The following FGD4 variants were observed in gnomAD, a reference collection of about 807,000 sequenced individuals.
FGD4 encodes FYVE, RhoGEF and PH domain containing 4, also known as FYVE, RhoGEF and PH domain-containing protein 4.
Under a neutral mutation model 102.0 loss-of-function variants are expected in FGD4, and 42 were observed. The ratio of observed to expected loss-of-function variants is 0.41; its 90% CI spans 0.32 to 0.53. FGD4 has a LOEUF of 0.53. Ranked by LOEUF, FGD4 falls within the 20% of genes least tolerant of loss-of-function variation. The probability of loss-of-function intolerance (pLI) is 0.21; values close to 1 mark genes in which losing one functional copy is unlikely to be tolerated. For missense variants in FGD4, 902 were observed against 1,078.2 expected (o/e 0.84, Z 2.29); for synonymous variants, 380 against 375.7 (o/e 1.01, Z -0.13).
At chr12:32,419,713 G>A (rs1941557477) in intron 1 of FGD4, among the ~76,000 whole-genome samples, 1 of 152,226 alleles carries the variant, frequency 6.6e-6, no homozygotes, top group Admixed American at 6.5e-5. Flanking sequence ...TCTGGCCTGT[G>A]GTTGTGAGGC....
chr12:32,420,318 T>A (rs1030353377), intron 1 of FGD4, among the ~76,000 whole-genome samples: 1 of 152,180 alleles, frequency 6.6e-6, no homozygotes, highest in Non-Finnish European at 1.5e-5. Flanking sequence ...ATCTAGCACC[T>A]ACTACAAGTT....
chr12:32,588,364 A>G lies in FGD4; in HGVS notation c.1011+5897A>G, dbSNP rs567819507. Among the ~76,000 whole-genome samples, 3 of 152,348 alleles carry G rather than the reference A, an allele frequency of 2.0e-5. No homozygotes were observed. The South Asian group carries it at 6.2e-4, about 32-fold the overall frequency. On this transcript the variant is annotated intron_variant, in intron 4 of 16. Transcript: ENST00000534526. ...TGGAGAGTTAAGACAACAAATGACC[A>G]TTACTCAAGATATCCTGAAGTAAAG... is the stretch of plus-strand genomic sequence containing the variant.
chr12:32,509,842 C>T (rs180894976), intron 1 of FGD4, among the ~76,000 whole-genome samples: 13 of 152,280 alleles, frequency 8.5e-5, no homozygotes, highest in South Asian at 6.2e-4. Flanking sequence ...GTGTGCCTCA[C>T]GCTGTTTGCA....
intron 1 of FGD4, among the ~76,000 whole-genome samples, chr12:32,526,444 T>TGTGG (rs1941216300): frequency 6.6e-6 from 1 of 152,018 alleles, no homozygotes; most frequent in East Asian, 1.9e-4. Flanking sequence ...AGAACCTGGG[T>TGTGG]GTGGAAACTC....
At position 32,442,617 on chromosome 12, in the gene FGD4, G is replaced by A. The variant is rs186763787; in HGVS notation, c.166+42658G>A. 1.1e-3 allele frequency among the ~76,000 whole-genome samples: 166 copies of A among 145,276 alleles called. 1 individual carries two copies. The highest frequency in any genetic ancestry group is 3.9e-3 in the African/African-American group (152 of 38,728). ...TTCACTCTGTCTCCAAGGCTGGGGC[G>A]CAGTGGTGCGATCTCACTGCAACCT... On this transcript the variant is annotated intron_variant, in intron 1 of 16. Coordinates refer to ENST00000534526, the MANE Select transcript of FGD4 (RefSeq NM_001370298.3).
rs1045086023 is a variant in FGD4, at chr12:32,549,578, T to C, written c.167-14559T>C. Among the ~76,000 whole-genome samples, 9 of 152,198 alleles carry C rather than the reference T, an allele frequency of 5.9e-5. No individual in the cohort carries two copies. In the South Asian group the frequency reaches 1.4e-3, roughly 24 times the overall value. On this transcript the variant is annotated intron_variant, in intron 1 of 16. Coordinates refer to ENST00000534526, the MANE Select transcript of FGD4 (RefSeq NM_001370298.3). ...ATCAGAGCCTGTGTATAATTGGCCC[T>C]GAATTAGGCAAATAGGCTTTCCCCA... is the stretch of plus-strand genomic sequence containing the variant.
At chr12:32,581,852 A>G in intron 3 of FGD4, 108 bp from the exon 4 acceptor site, 8 of 1,219,372 alleles carry the variant, frequency 6.6e-6, no homozygotes, top group Non-Finnish European at 9.3e-6. Context: ...CATCAGAGAT[A>G]GAAAAAAAAA....
intron 1 of FGD4, among the ~76,000 whole-genome samples, chr12:32,444,491 G>A (rs1456896822): frequency 1.3e-5 from 2 of 151,912 alleles, no homozygotes; most frequent in African/African-American, 4.8e-5. Flanking sequence ...CACAATCTCC[G>A]TCTCCCGGGT....
At chr12:32,557,333 C>T (rs1046185921) in intron 1 of FGD4, among the ~76,000 whole-genome samples, 1 of 152,072 alleles carries the variant, frequency 6.6e-6, no homozygotes, top group African/African-American at 2.4e-5. Context: ...TCTGCAATTC[C>T]CAAAGTTACA....
intron 7 of FGD4, among the ~76,000 whole-genome samples, chr12:32,606,397 T>C (rs1393668928): frequency 6.6e-6 from 1 of 152,026 alleles, no homozygotes; most frequent in African/African-American, 2.4e-5. Context: ...ATGAAAAAAA[T>C]CTAAACTCAC....
intron 1 of FGD4, among the ~76,000 whole-genome samples, chr12:32,452,920 C>T (rs548674481): frequency 3.3e-5 from 5 of 151,776 alleles, no homozygotes; most frequent in African/African-American, 1.2e-4. Flanking sequence ...CCTAGCAGGT[C>T]GAGGGTGCAA....
Position 32,550,058 on chromosome 12 carries a change from G to C in FGD4, c.167-14079G>C, listed in dbSNP as rs534261454. Among the ~76,000 whole-genome samples the C allele has an allele frequency of 5.3e-5, 8 of 152,304 alleles. No individual in the cohort carries two copies. The South Asian group carries it at 1.7e-3, about 32-fold the overall frequency. On this transcript the variant is annotated intron_variant, in intron 1 of 16. Coordinates refer to ENST00000534526, the MANE Select transcript of FGD4 (RefSeq NM_001370298.3). ...TGGGGATGAATGTGGGGTTAAGGCA[G>C]GCATTCCAGATATTTATAGAATTGT...
At chr12:32,456,543 A>G (rs940106115) in intron 1 of FGD4, among the ~76,000 whole-genome samples, 1 of 152,150 alleles carries the variant, frequency 6.6e-6, no homozygotes, top group African/African-American at 2.4e-5. Context: ...TCAGAAAGCA[A>G]AGTAACTCGT....
intron 2 of FGD4, among the ~76,000 whole-genome samples, chr12:32,573,916 T>C (rs985349640): frequency 6.6e-6 from 1 of 152,222 alleles, no homozygotes; most frequent in Admixed American, 6.5e-5. Context: ...AAAAGTAATA[T>C]ATTCCTTACC....
intron 1 of FGD4, among the ~76,000 whole-genome samples, chr12:32,438,172 G>A (rs1942297101): frequency 6.6e-6 from 1 of 152,174 alleles, no homozygotes; most frequent in South Asian, 2.1e-4. Flanking sequence ...GATTATAGGC[G>A]TGAGCCACCG....
chr12:32,562,828 CG>C (rs780125855), intron 1 of FGD4, among the ~76,000 whole-genome samples: 8 of 152,232 alleles, frequency 5.3e-5, no homozygotes, highest in Non-Finnish European at 8.8e-5. Flanking sequence ...TACACAGACA[CG>C]GCAACCATCC....
rs1942742787 is a variant in FGD4 at position 32,450,419 on chromosome 12, G to T, written c.166+50460G>T. Among the ~76,000 whole-genome samples the T allele has an allele frequency of 3.3e-5, 5 of 152,100 alleles. No individual in the cohort carries two copies. The South Asian group carries it at 1.0e-3, about 32-fold the overall frequency. On this transcript the variant is annotated intron_variant, in intron 1 of 16. Coordinates refer to ENST00000534526, the MANE Select transcript of FGD4 (RefSeq NM_001370298.3). The stretch of plus-strand genomic sequence containing the variant: ...TAAGTTTATTCATTTATATCAGTGT[G>T]TAGTCACCATTTCCTAATAAATTAT...
At chr12:32,523,903 G>A (rs942952893) in intron 1 of FGD4, among the ~76,000 whole-genome samples, 4 of 151,480 alleles carry the variant, frequency 2.6e-5, no homozygotes, top group South Asian at 4.2e-4. Flanking sequence ...GCGTGAACCC[G>A]GGAGGCGGAG....
chr12:32,441,421 A>C (rs1210733899), intron 1 of FGD4, among the ~76,000 whole-genome samples: 1 of 151,952 alleles, frequency 6.6e-6, no homozygotes, highest in East Asian at 1.9e-4. Flanking sequence ...GTGACCCAGG[A>C]TGTGTCTAGA....
Sources: allele counts gnomAD v4.1 joint callset (sites outside exome capture counted in the v4.1 genomes callset), GRCh38; gene constraint gnomAD v4.1.1; transcripts MANE v1.5; gene names NCBI Gene and HGNC (gene_info 2026-07-23, HGNC 2026-07-21).